The following MTA3 variants were observed in gnomAD, a reference collection of about 807,000 sequenced individuals.
MTA3 encodes the protein metastasis-associated protein MTA3.
Under a neutral mutation model 83.5 loss-of-function variants are expected in MTA3, and 34 were observed. That is an observed-to-expected ratio of 0.41 (90% confidence interval 0.31 to 0.54). MTA3 has a LOEUF of 0.54. Among genes scored for constraint, MTA3 ranks in the 20% least tolerant of loss-of-function variants. The pLI is 0.33. For missense variants in MTA3, 761 were observed against 726.4 expected (o/e 1.05, Z -0.55); for synonymous variants, 303 against 252.7 (o/e 1.20, Z -1.89).
intron 8 of MTA3, among the ~76,000 whole-genome samples, chr2:42,677,905 T>C (rs918265125): frequency 3.3e-5 from 5 of 152,210 alleles, no homozygotes; most frequent in South Asian, 2.1e-4. Flanking sequence ...CTTACTGTAC[T>C]ATATTCATCT....
chr2:42,589,890 G>T (rs1680767790), intron 3 of MTA3, among the ~76,000 whole-genome samples: 1 of 152,114 alleles, frequency 6.6e-6, no homozygotes, highest in South Asian at 2.1e-4. Flanking sequence ...TATCCTGGAG[G>T]TTTTTACTCC....
intron 2 of MTA3, among the ~76,000 whole-genome samples, chr2:42,578,693 G>A (rs1328463215): frequency 2.0e-5 from 3 of 152,124 alleles, no homozygotes; most frequent in South Asian, 2.1e-4. Context: ...GACGAGGTGT[G>A]TTTAAATGAC....
At chr2:42,567,541 G>A (rs569427178), upstream of MTA3, among the ~76,000 whole-genome samples, 8 of 152,068 alleles carry the variant, frequency 5.3e-5, no homozygotes, top group South Asian at 1.5e-3. Context: ...AATCTTCTTC[G>A]TGTTTATTAT....
intron 8 of MTA3, among the ~76,000 whole-genome samples, chr2:42,679,466 G>T (rs911998814): frequency 4.6e-5 from 7 of 152,210 alleles, no homozygotes; most frequent in African/African-American, 1.7e-4. Flanking sequence ...AGTGAAGCAA[G>T]GAAAGATGAT....
chr2:42,549,690 T>C (rs886337065), intron 2 of MTA3, among the ~76,000 whole-genome samples: 5 of 120,246 alleles, frequency 4.2e-5, no homozygotes, highest in Admixed American at 1.1e-4. Context: ...TAATATATTA[T>C]ATATACATAT....
intron 2 of MTA3, among the ~76,000 whole-genome samples, chr2:42,549,756 A>G (rs1425033958): frequency 7.0e-6 from 1 of 141,972 alleles, no homozygotes; most frequent in Non-Finnish European, 1.5e-5. Context: ...AAAATTCCAG[A>G]AACAAATAAT....
intron 7 of MTA3, among the ~76,000 whole-genome samples, chr2:42,658,021 G>C (rs1193368665): frequency 7.5e-6 from 1 of 133,138 alleles, no homozygotes; most frequent in Non-Finnish European, 1.5e-5. Flanking sequence ...GCAGTAAGCC[G>C]AGATCGCACC....
intron 12 of MTA3, among the ~76,000 whole-genome samples, chr2:42,704,644 C>T (rs1456204956): frequency 6.6e-6 from 1 of 152,122 alleles, no homozygotes; most frequent in Non-Finnish European, 1.5e-5. Flanking sequence ...ATGATGCATA[C>T]CAAATTCCCC....
At chr2:42,528,612 C>G (rs1675823966) in intron 2 of MTA3, among the ~76,000 whole-genome samples, 1 of 152,178 alleles carries the variant, frequency 6.6e-6, no homozygotes, top group Non-Finnish European at 1.5e-5. Context: ...TAGAGACAGA[C>G]CTGGTCATTT....
intron 2 of MTA3, among the ~76,000 whole-genome samples, chr2:42,527,627 A>T (rs183425343): frequency 1.1e-4 from 17 of 152,152 alleles, no homozygotes; most frequent in African/African-American, 3.6e-4. Flanking sequence ...AGTACTCCTC[A>T]AAAGTGTTAA....
intron 3 of MTA3, among the ~76,000 whole-genome samples, chr2:42,602,028 C>CG (rs1472453089): frequency 1.3e-5 from 2 of 152,118 alleles, no homozygotes; most frequent in South Asian, 2.1e-4. Context: ...TTAGTAGAGG[C>CG]GGGGGTCTTG....
intron 9 of MTA3, among the ~76,000 whole-genome samples, chr2:42,686,968 A>C (rs1692428821): frequency 6.6e-6 from 1 of 151,862 alleles, no homozygotes; most frequent in South Asian, 2.1e-4. Context: ...AAAAAAAAAA[A>C]ATACAAAAAT....
chr2:42,706,576 T>G (rs1666102892), intron 12 of MTA3, among the ~76,000 whole-genome samples: 2 of 152,230 alleles, frequency 1.3e-5, no homozygotes, highest in South Asian at 4.1e-4. Flanking sequence ...GAAGGTAACT[T>G]ACAGGTCAGA....
At chr2:42,649,718 T>C (rs964949549) in intron 6 of MTA3, among the ~76,000 whole-genome samples, 2 of 152,204 alleles carry the variant, frequency 1.3e-5, no homozygotes, top group Non-Finnish European at 2.9e-5. Context: ...CTGAGGCACT[T>C]TCCACTGTGT....
chr2:42,541,259 G>A (rs1451523442), intron 2 of MTA3, among the ~76,000 whole-genome samples: 1 of 152,138 alleles, frequency 6.6e-6, no homozygotes, highest in African/African-American at 2.4e-5. Context: ...TCGAACTCCC[G>A]ACCTCAGGTG....
At chr2:42,530,093 G>A (rs1675889014) in intron 2 of MTA3, among the ~76,000 whole-genome samples, 1 of 151,850 alleles carries the variant, frequency 6.6e-6, no homozygotes, top group Non-Finnish European at 1.5e-5. Context: ...GCTGAGGCAG[G>A]AGAATAGCTT....
intron 16 of MTA3, among the ~76,000 whole-genome samples, chr2:42,733,746 G>A (rs912589854): frequency 1.3e-4 from 20 of 152,040 alleles, no homozygotes; most frequent in Non-Finnish European, 2.8e-4. Context: ...CAATCCTCCT[G>A]ACTCAGGTTT....
chr2:42,579,424 T>C (rs1456500827), intron 3 of MTA3, among the ~76,000 whole-genome samples: 3 of 66,304 alleles, frequency 4.5e-5, no homozygotes, highest in African/African-American at 1.7e-4. Flanking sequence ...TCTATATATA[T>C]ATATATTTTT....
chr2:42,621,127 T>A (rs1456012450), intron 4 of MTA3, among the ~76,000 whole-genome samples: 1 of 95,696 alleles, frequency 1.0e-5, no homozygotes, highest in Admixed American at 1.5e-4. Context: ...GTTACTCTTA[T>A]TAGAGTTTTT....
Sources: gnomAD v4.1 joint callset for allele counts (sites outside exome capture counted in the v4.1 genomes callset) on GRCh38, gnomAD v4.1.1 for gene constraint, MANE v1.5 for transcripts, NCBI Gene and HGNC (gene_info 2026-07-23, HGNC 2026-07-21) for gene names.